Variants in MYO7A observed in about 807,000 individuals in gnomAD.
MYO7A encodes the protein unconventional myosin-VIIa.
MYO7A carries 210 observed loss-of-function variants against 263.8 expected under a neutral mutation model. The ratio of observed to expected loss-of-function variants is 0.80; its 90% CI spans 0.71 to 0.89. The LOEUF is 0.89. Among genes scored for constraint, MYO7A ranks in the 40% least tolerant of loss-of-function variants. The probability of loss-of-function intolerance (pLI) is 0.00; values close to 1 mark genes in which losing one functional copy is unlikely to be tolerated. For missense variants in MYO7A, 2,820 were observed against 2,968.3 expected (o/e 0.95, Z 1.16); for synonymous variants, 1,239 against 1,197.3 (o/e 1.03, Z -0.72).
intron 4 of MYO7A, 25 bp from the exon 5 acceptor site, chr11:77,155,882 G>A: frequency 6.4e-7 from 1 of 1,553,290 alleles, no homozygotes; most frequent in South Asian, 1.2e-5. Flanking sequence ...GAATCAGCGA[G>A]CTCCCCATCT....
rs1476080508 is a variant in MYO7A, at chr11:77,138,404, A to ACGCCGTCCTGC, written c.19-4302_19-4292dup. 6.6e-6 allele frequency among the ~76,000 whole-genome samples: 1 copy of ACGCCGTCCTGC among 151,894 alleles called. No homozygotes were observed. Among genetic ancestry groups the ACGCCGTCCTGC allele is most frequent in the Non-Finnish European group, 1.5e-5 (1 of 67,924 alleles). ...AGCCTGAACCAGGCGTTCAAGACCT[A>ACGCCGTCCTGC]CGCCGTCCTGCCGGTGAGGCCCGGG... On this transcript the variant is annotated intron_variant, in intron 2 of 48. Transcript: ENST00000409709. This position sits in a 1 kb window ranked among gnomAD's most constrained non-coding sequence, Gnocchi z 4.9.
At chr11:77,146,249 A>C (rs1555053609) in intron 3 of MYO7A, among the ~76,000 whole-genome samples, 1 of 152,098 alleles carries the variant, frequency 6.6e-6, no homozygotes, top group East Asian at 1.9e-4. Context: ...GGTAGCTGGG[A>C]TGGAGGTTAG....
intron 31 of MYO7A, among the ~76,000 whole-genome samples, chr11:77,193,067 ATGG>A (rs1328247968): frequency 1.5e-3 from 36 of 24,126 alleles, no homozygotes; most frequent in African/African-American, 6.3e-3. Flanking sequence ...GGTGTTGGTG[ATGG>A]TGGAGGTAGT....
chr11:77,198,743 A>T, intron 34 of MYO7A, 122 bp downstream of exon 34: 1 of 1,452,342 alleles, frequency 6.9e-7, no homozygotes, highest in Non-Finnish European at 9.3e-7. Context: ...GTGATTGGGC[A>T]GTTTGTGCCG....
chr11:77,181,733 C>A, intron 23 of MYO7A, 144 bp downstream of exon 23: 1 of 863,184 alleles, frequency 1.2e-6, no homozygotes, highest in Non-Finnish European at 1.7e-6. Flanking sequence ...GGCTGCAGGT[C>A]CCAGGTCCTG....
intron 10 of MYO7A, 116 bp downstream of exon 10, chr11:77,159,639 G>A (rs1952808562): frequency 1.9e-6 from 2 of 1,065,694 alleles, no homozygotes; most frequent in Non-Finnish European, 2.8e-6. Context: ...GGTTTGGAGA[G>A]TTCTGTTCAA....
chr11:77,206,561 C>T (rs1957458296), intron 41 of MYO7A, among the ~76,000 whole-genome samples: 1 of 152,246 alleles, frequency 6.6e-6, no homozygotes, highest in South Asian at 2.1e-4. Flanking sequence ...CAGACCTCCC[C>T]TGTCGACTGA....
chr11:77,156,825 A>T (rs1952512318), intron 6 of MYO7A, 37 bp from the exon 7 acceptor site: 1 of 1,613,946 alleles, frequency 6.2e-7, no homozygotes, highest in African/African-American at 1.3e-5. Flanking sequence ...GTGGGGCGGG[A>T]GCGGGCTTTG....
intron 14 of MYO7A, among the ~76,000 whole-genome samples, chr11:77,163,371 C>T (rs572217584): frequency 3.3e-5 from 5 of 152,146 alleles, no homozygotes; most frequent in South Asian, 2.1e-4. Context: ...CATCGTTTAA[C>T]GTCATTTCTG....
chr11:77,190,195 C>T lies in MYO7A; in HGVS notation c.3750+56C>T, dbSNP rs541868065. On this transcript the variant is annotated intron_variant, in intron 29 of 48. Transcript: ENST00000409709. ...GCATGTGTGCGCACGTGTGTAAATG[C>T]GTGTGTGTGTGTGTCCAGTGCACTC... The T allele has an allele frequency of 9.2e-5, 127 of 1,377,332 alleles. No homozygotes were observed. The Middle Eastern group carries it at 1.1e-3, about 11-fold the overall frequency. 85.3% of individuals were successfully genotyped at this position (1,377,332 alleles called of 1,614,324 possible).
At chr11:77,143,529 G>A (rs1335066764) in intron 3 of MYO7A, among the ~76,000 whole-genome samples, 4 of 152,228 alleles carry the variant, frequency 2.6e-5, no homozygotes, top group Non-Finnish European at 5.9e-5. Flanking sequence ...CTGAAGTCAG[G>A]GGCCTGCCCC....
At chr11:77,184,541 G>T (rs781926812) in intron 26 of MYO7A, 47 bp from the exon 27 acceptor site, 52 of 1,519,300 alleles carry the variant, frequency 3.4e-5, no homozygotes, top group Non-Finnish European at 4.3e-5. Flanking sequence ...TGGCTGGCAG[G>T]GGAACACCCC....
At chr11:77,175,774 C>A (rs1270813107) in intron 18 of MYO7A, among the ~76,000 whole-genome samples, 7 of 152,254 alleles carry the variant, frequency 4.6e-5, no homozygotes, top group Non-Finnish European at 7.3e-5. Flanking sequence ...GGGGCCCTTT[C>A]TGAGCCTCAT....
intron 2 of MYO7A, among the ~76,000 whole-genome samples, chr11:77,135,234 C>T (rs1397786972): frequency 1.3e-5 from 2 of 152,216 alleles, no homozygotes; most frequent in Admixed American, 6.5e-5. Flanking sequence ...CCCCTCTCCC[C>T]ACCACCCTTG....
intron 12 of MYO7A, among the ~76,000 whole-genome samples, chr11:77,161,410 C>T (rs1395103985): frequency 6.6e-6 from 1 of 152,206 alleles, no homozygotes; most frequent in Non-Finnish European, 1.5e-5. Context: ...CAGATCCATG[C>T]TGCAAGGCGC....
Position 77,211,323 on chromosome 11 carries a change from G to T in MYO7A, c.6223G>T (p.Asp2075Tyr). ...PQDLIRQVSP[D>Y]DWKRSIVAYF... ...GGACCTTATCCGGCAGGTCTCACCT[G>T]ATGACTGGAAGCGGGTGAGCATGGG... The change falls in exon 45 of 49, where the codon GAT (aspartate) becomes TAT (tyrosine). Residue 2075 changes from aspartate (D) to tyrosine (Y), a missense_variant. By Grantham distance (160) the Asp-to-Tyr change is radical. Coordinates refer to ENST00000409709, the MANE Select transcript of MYO7A (RefSeq NM_000260.4). 6.3e-7 allele frequency: 1 copy of T among 1,582,072 alleles called. No homozygotes were observed. The highest frequency in any genetic ancestry group is 1.2e-5 in the South Asian group (1 of 86,150).
chr11:77,170,541 TG>T (rs1953997135), intron 15 of MYO7A, among the ~76,000 whole-genome samples: 1 of 152,154 alleles, frequency 6.6e-6, no homozygotes, highest in African/African-American at 2.4e-5. Context: ...GATGTGATTT[TG>T]TTCCTCACTT....
chr11:77,173,230 A>G (rs1293822361), intron 16 of MYO7A, among the ~76,000 whole-genome samples: 1 of 152,190 alleles, frequency 6.6e-6, no homozygotes, highest in African/African-American at 2.4e-5. Flanking sequence ...CCATGCAGTA[A>G]TGCTTGCAGA....
chr11:77,174,756 C>T lies in MYO7A; in HGVS notation c.1936C>T (p.Leu646=). ...ATGCCCTTGGCTGTGTGCCTGGCAG[C>T]TGTTCGACCGGCACCTGTGCGTGCG... ...IKPNEFKKPM[L]FDRHLCVRQL... The change falls in exon 17 of 49, where the codon CTG becomes TTG. Residue 646 remains leucine, a splice_region_variant and synonymous_variant. Transcript: ENST00000409709. 6.3e-7 allele frequency: 1 copy of T among 1,582,698 alleles called. No individual in the cohort carries two copies. The highest frequency in any genetic ancestry group is 8.6e-7 in the Non-Finnish European group (1 of 1,165,016).
Sources: allele counts gnomAD v4.1 joint callset (sites outside exome capture counted in the v4.1 genomes callset), GRCh38; gene constraint gnomAD v4.1.1; non-coding constraint Gnocchi (gnomAD v3.1); transcripts MANE v1.5; gene names NCBI Gene and HGNC (gene_info 2026-07-23, HGNC 2026-07-21).